PSMA8: variants seen among roughly 807,000 people sequenced by gnomAD.
PSMA8 encodes the protein proteasome subunit alpha-type 8.
PSMA8 carries 18 observed loss-of-function variants against 32.4 expected under a neutral mutation model. The ratio of observed to expected loss-of-function variants is 0.56; its 90% CI spans 0.38 to 0.82. The LOEUF (loss-of-function observed/expected upper bound fraction) is 0.82. Ranked by LOEUF, PSMA8 falls within the 40% of genes least tolerant of loss-of-function variation. PSMA8 has a pLI of 0.00. For synonymous variants in PSMA8, 104 were observed against 98.1 expected (o/e 1.06, Z -0.36); for missense variants, 298 against 300.7 (o/e 0.99, Z 0.07).
intron 1 of PSMA8, among the ~76,000 whole-genome samples, chr18:26,142,773 A>G (rs2054969401): frequency 6.6e-6 from 1 of 152,202 alleles, no homozygotes; most frequent in Non-Finnish European, 1.5e-5. Flanking sequence ...CACATGGTGG[A>G]AAGCGCAAAC....
intron 2 of PSMA8, among the ~76,000 whole-genome samples, chr18:26,145,106 T>A (rs2054991870): frequency 6.6e-6 from 1 of 151,990 alleles, no homozygotes; most frequent in Non-Finnish European, 1.5e-5. Flanking sequence ...ATGTATGTAG[T>A]TTTTTGTTTT....
At chr18:26,177,463 A>G (rs939869911) in intron 4 of PSMA8, among the ~76,000 whole-genome samples, 1 of 152,178 alleles carries the variant, frequency 6.6e-6, no homozygotes, top group African/African-American at 2.4e-5. Flanking sequence ...CATTTTTGTG[A>G]TGGTTAGATG....
intron 6 of PSMA8, among the ~76,000 whole-genome samples, chr18:26,184,986 G>A (rs369942544): frequency 2.7e-5 from 4 of 148,072 alleles, no homozygotes; most frequent in African/African-American, 1.0e-4. Flanking sequence ...TATTCAGGGG[G>A]CTGAGGCAGG....
In PSMA8 at chr18:26,134,087, C is replaced by T. The variant is rs757109918; in HGVS notation, c.102+20C>T. ...ACCGCGGTGAGGAAGCAACTATTAC[C>T]GGACTATTCCCCGCTCTGACCTGTC... On this transcript the variant is annotated intron_variant, in intron 1 of 6. Transcript: ENST00000415576. The T allele has an allele frequency of 7.0e-6, 11 of 1,570,158 alleles. No homozygotes were observed. The highest frequency in any genetic ancestry group is 2.2e-5 in the East Asian group (1 of 44,666).
chr18:26,186,049 G>A (rs982942273), intron 6 of PSMA8, among the ~76,000 whole-genome samples: 1 of 149,182 alleles, frequency 6.7e-6, no homozygotes, highest in African/African-American at 2.5e-5. Context: ...GATCAGCCTG[G>A]CCAACATAGT....
intron 3 of PSMA8, among the ~76,000 whole-genome samples, chr18:26,156,323 A>G (rs1180215183): frequency 6.6e-6 from 1 of 152,208 alleles, no homozygotes; most frequent in African/African-American, 2.4e-5. Flanking sequence ...ATCCAAAGGT[A>G]AAGAAATCAG....
At chr18:26,154,060 C>A (rs1042458913) in intron 3 of PSMA8, among the ~76,000 whole-genome samples, 1 of 152,142 alleles carries the variant, frequency 6.6e-6, no homozygotes, top group Non-Finnish European at 1.5e-5. Flanking sequence ...TGCCACCACA[C>A]CTGGCTAACT....
intron 4 of PSMA8, among the ~76,000 whole-genome samples, chr18:26,160,459 T>C (rs1030888980): frequency 6.6e-6 from 1 of 152,338 alleles, no homozygotes; most frequent in Middle Eastern, 3.4e-3. Flanking sequence ...TAAAATCCAT[T>C]CTTGGAAGGT....
chr18:26,146,754 C>A (rs953055270), intron 2 of PSMA8, among the ~76,000 whole-genome samples: 1 of 152,120 alleles, frequency 6.6e-6, no homozygotes, highest in African/African-American at 2.4e-5. Context: ...CAGAGTGAGA[C>A]CCTATGTATC....
In PSMA8 at chr18:26,179,301, T is replaced by G. The variant is rs867845902; in HGVS notation, c.660+171T>G. Among the ~76,000 whole-genome samples, 205 of 151,624 alleles carry G rather than the reference T, an allele frequency of 1.4e-3. 1 individual carries two copies. The highest frequency in any genetic ancestry group is 4.4e-3 in the South Asian group (21 of 4,820). On this transcript the variant is annotated intron_variant, in intron 6 of 6. Coordinates refer to ENST00000415576, the MANE Select transcript of PSMA8 (RefSeq NM_001025096.2). ...GTTTTTTGTTTGTTTTTTGTGTTTTTTTTTTTTTTTTAAATAGAGACGGGA... is the reference window on the plus strand; with the variant it reads ...GTTTTTTGTTTGTTTTTTGTGTTTTGTTTTTTTTTTTAAATAGAGACGGGA...
At chr18:26,172,661 T>C (rs1171737316) in intron 4 of PSMA8, among the ~76,000 whole-genome samples, 1 of 152,070 alleles carries the variant, frequency 6.6e-6, no homozygotes, top group Non-Finnish European at 1.5e-5. Context: ...AATAAATCAA[T>C]TTAAAAAGTA....
chr18:26,140,326 G>A (rs1568053173), intron 1 of PSMA8, among the ~76,000 whole-genome samples: 1 of 152,148 alleles, frequency 6.6e-6, no homozygotes, highest in African/African-American at 2.4e-5. Flanking sequence ...CCTGGAGCTT[G>A]GATCCATGGG....
At position 26,178,845 on chromosome 18, in the gene PSMA8, C is replaced by A; in HGVS notation, c.493C>A (p.Arg165=). Residue 165 remains arginine (R), a synonymous_variant, in exon 5 of 7, where the codon CGA becomes AGA. Transcript: ENST00000415576. Reference sequence around the variant, plus strand: ...ATTTTTCAAGGCAAATGCAATAGGCCGAAGTGCTAAAACTGTTCGAGAATT... The same window carrying A: ...ATTTTTCAAGGCAAATGCAATAGGCAGAAGTGCTAAAACTGTTCGAGAATT... ...YHAWKANAIG[R]SAKTVREFLE... The A allele has an allele frequency of 6.2e-7, 1 of 1,611,650 alleles. No individual in the cohort carries two copies. The highest frequency in any genetic ancestry group is 8.5e-7 in the Non-Finnish European group (1 of 1,179,058).
chr18:26,134,342 T>G lies in PSMA8; in HGVS notation c.102+275T>G, dbSNP rs12457652. Among the ~76,000 whole-genome samples, 65,719 of 131,566 alleles carry G rather than the reference T, an allele frequency of 0.5. 16,660 individuals carry two copies. The highest frequency in any genetic ancestry group is 0.69 in the East Asian group (3,481 of 5,042). The allele number at this position is 131,566 out of a possible 152,430, so 86.3% of individuals were successfully genotyped here. ...CGCAAAACTAGGGTGTGTGTGTGGG[T>G]GTGTGTGTGTGTGTGTGTGTGTCTC... On this transcript the variant is annotated intron_variant, in intron 1 of 6. Coordinates refer to ENST00000415576, the MANE Select transcript of PSMA8 (RefSeq NM_001025096.2).
At chr18:26,175,840 A>T (rs189943666) in intron 4 of PSMA8, among the ~76,000 whole-genome samples, 357 of 152,318 alleles carry the variant, frequency 2.3e-3, no homozygotes, top group Non-Finnish European at 3.7e-3. Context: ...TGCTCTCAAG[A>T]TAGCTGCTAG....
chr18:26,173,172 C>T (rs2055237493), intron 4 of PSMA8, among the ~76,000 whole-genome samples: 1 of 152,130 alleles, frequency 6.6e-6, no homozygotes, highest in Non-Finnish European at 1.5e-5. Context: ...CCTTATCTGG[C>T]CCCCACCTCA....
At position 26,168,698 on chromosome 18, in the gene PSMA8, C is replaced by CA. The variant is rs1220982468; in HGVS notation, c.478-10132_478-10131insA. 5.8e-4 allele frequency among the ~76,000 whole-genome samples: 73 copies of CA among 125,276 alleles called. 10 individuals are homozygous for CA. The highest frequency in any genetic ancestry group is 5.6e-3 in the Admixed American group (73 of 13,048). 82.2% of individuals were successfully genotyped at this position (125,276 alleles called of 152,430 possible). A position where few individuals can be genotyped will look rare whatever the true frequency, so the allele number is the denominator to read the frequency against. On this transcript the variant is annotated intron_variant, in intron 4 of 6. Coordinates refer to ENST00000415576, the MANE Select transcript of PSMA8 (RefSeq NM_001025096.2). The stretch of plus-strand genomic sequence containing the variant: ...GCATGGGCCATTCCACCCAGCTAAC[C>CA]GATTAATATTTTTACTGTTCCTTTT...
At chr18:26,165,371 A>C (rs2055169573) in intron 4 of PSMA8, among the ~76,000 whole-genome samples, 1 of 152,244 alleles carries the variant, frequency 6.6e-6, no homozygotes, top group African/African-American at 2.4e-5. Context: ...CAAAATGTTA[A>C]TAGTTCATGA....
intron 4 of PSMA8, among the ~76,000 whole-genome samples, chr18:26,174,393 G>C (rs920256534): frequency 3.9e-5 from 6 of 152,188 alleles, no homozygotes; most frequent in Non-Finnish European, 8.8e-5. Context: ...AGGAATGCCA[G>C]TCTGGCCATT....
Sources: gnomAD v4.1 joint callset for allele counts (sites outside exome capture counted in the v4.1 genomes callset) on GRCh38, gnomAD v4.1.1 for gene constraint, MANE v1.5 for transcripts, NCBI Gene and HGNC (gene_info 2026-07-23, HGNC 2026-07-21) for gene names.